Variants in PLCB1 observed in about 807,000 individuals in gnomAD.
PLCB1 encodes the protein 1-phosphatidylinositol 4,5-bisphosphate phosphodiesterase beta-1.
Under a neutral mutation model 161.8 loss-of-function variants are expected in PLCB1, and 46 were observed. The ratio of observed to expected loss-of-function variants is 0.28; its 90% CI spans 0.22 to 0.36. The LOEUF is 0.36. Among genes scored for constraint, PLCB1 ranks in the 10% least tolerant of loss-of-function variants. The pLI is 1.00. For missense variants in PLCB1, 1,016 were observed against 1,472.5 expected (o/e 0.69, Z 5.07); for synonymous variants, 517 against 503.7 (o/e 1.03, Z -0.35).
chr20:8,161,707 A>G (rs2051626252), intron 2 of PLCB1, among the ~76,000 whole-genome samples: 1 of 152,128 alleles, frequency 6.6e-6, no homozygotes, highest in African/African-American at 2.4e-5. Flanking sequence ...GGGAGCCTCA[A>G]AGGACGCTGC....
At chr20:8,770,253 A>G (rs927762413) in intron 26 of PLCB1, among the ~76,000 whole-genome samples, 1 of 152,198 alleles carries the variant, frequency 6.6e-6, no homozygotes. Context: ...CGCCCAGCCA[A>G]AATCATCATT....
chr20:8,356,669 T>A (rs947946428), intron 2 of PLCB1, among the ~76,000 whole-genome samples: 7 of 152,014 alleles, frequency 4.6e-5, no homozygotes, highest in African/African-American at 1.7e-4. Context: ...GTACATAGAG[T>A]CTTCTGTACT....
intron 3 of PLCB1, among the ~76,000 whole-genome samples, chr20:8,624,814 TTA>T (rs1392773680): frequency 6.6e-6 from 1 of 152,198 alleles, no homozygotes; most frequent in Non-Finnish European, 1.5e-5. Flanking sequence ...TTGGTAGCAC[TTA>T]TGGGAACAGA....
At chr20:8,737,434 A>T (rs1405921771) in intron 20 of PLCB1, among the ~76,000 whole-genome samples, 1 of 152,224 alleles carries the variant, frequency 6.6e-6, no homozygotes, top group Admixed American at 6.5e-5. Flanking sequence ...GGCCATAAAA[A>T]CATATACATT....
chr20:8,395,526 TTATC>T (rs1987744960), intron 3 of PLCB1, among the ~76,000 whole-genome samples: 1 of 152,036 alleles, frequency 6.6e-6, no homozygotes, highest in South Asian at 2.1e-4. Flanking sequence ...TTCAAATAAA[TTATC>T]TATACATAAT....
Position 8,684,967 on chromosome 20 carries a change from A to G in PLCB1, c.898A>G (p.Ser300Gly), listed in dbSNP as rs1990323763. The change falls in exon 10 of 32, where the codon AGT (serine) becomes GGT (glycine). Residue 300 changes from serine (S) to glycine (G), a missense_variant. Physicochemically the swap from Ser to Gly is moderately conservative, Grantham distance 56. Around this residue, in one of 10 missense-constraint regions of PLCB1, gnomAD observed 117 missense variants for 142.2 expected, o/e 0.82. Transcript: ENST00000338037. ...ISVDGFMRYL[S>G]GEENGVVSPE... ...AGTGGATGGGTTCATGCGCTATCTG[A>G]GTGGAGAAGAAAACGGAGTCGTTTC... is the stretch of plus-strand genomic sequence containing the variant. 1.2e-6 allele frequency: 2 copies of G among 1,613,742 alleles called. No homozygotes were observed. The highest frequency in any genetic ancestry group is 1.7e-5 in the Admixed American group (1 of 59,998).
At chr20:8,392,830 A>G (rs537090748) in intron 3 of PLCB1, among the ~76,000 whole-genome samples, 1 of 152,304 alleles carries the variant, frequency 6.6e-6, no homozygotes, top group Middle Eastern at 3.4e-3. Context: ...ATCCTATATC[A>G]CTGCCTTTGG....
chr20:8,795,326 A>G (rs1983962682), intron 31 of PLCB1, among the ~76,000 whole-genome samples: 1 of 152,182 alleles, frequency 6.6e-6, no homozygotes. Flanking sequence ...AACTTGTACA[A>G]TAAAATATTT....
chr20:8,264,088 A>C lies in PLCB1; in HGVS notation c.178-107294A>C, dbSNP rs148823767. ...CACAAACACATTGTACAACTGTACA[A>C]AAATATTTTATTTCTTTACAGACTT... On this transcript the variant is annotated intron_variant, in intron 2 of 31. Transcript: ENST00000338037. 1.9e-3 allele frequency among the ~76,000 whole-genome samples: 294 copies of C among 152,342 alleles called. 1 individual carries two copies. Among genetic ancestry groups the C allele is most frequent in the African/African-American group, 6.1e-3 (252 of 41,588 alleles).
rs1980743027 is a variant in PLCB1, at chr20:8,739,248, A to G, written c.2209-13A>G. On this transcript the variant is annotated splice_polypyrimidine_tract_variant and intron_variant, in intron 20 of 31. Coordinates refer to ENST00000338037, the MANE Select transcript of PLCB1 (RefSeq NM_015192.4). ...ATTCTTATAACCAGGTGTGTCCTTA[A>G]TGTCCTTTGTAGGTGGTTCTTCCTA... 1 of 1,513,938 alleles carries G rather than the reference A, an allele frequency of 6.6e-7. No individual in the cohort carries two copies. The highest frequency in any genetic ancestry group is 9.2e-7 in the Non-Finnish European group (1 of 1,088,604). 93.8% of individuals were successfully genotyped at this position (1,513,938 alleles called of 1,614,324 possible). A position where few individuals can be genotyped will look rare whatever the true frequency, so the allele number is the denominator to read the frequency against.
chr20:8,274,430 C>A (rs943822478), intron 2 of PLCB1, among the ~76,000 whole-genome samples: 3 of 151,338 alleles, frequency 2.0e-5, no homozygotes, highest in African/African-American at 7.3e-5. Context: ...CGTTTGTCCC[C>A]TTGTGTGTCC....
At chr20:8,156,854 G>T (rs1427586636) in intron 2 of PLCB1, among the ~76,000 whole-genome samples, 1 of 152,164 alleles carries the variant, frequency 6.6e-6, no homozygotes, top group East Asian at 1.9e-4. Context: ...CATCCTTTGT[G>T]GTGGCTTTTA....
At chr20:8,555,130 G>A (rs1003508217) in intron 3 of PLCB1, among the ~76,000 whole-genome samples, 7 of 152,002 alleles carry the variant, frequency 4.6e-5, no homozygotes, top group Admixed American at 2.0e-4. Flanking sequence ...TGACAGAGTT[G>A]AGTTTGATAA....
intron 25 of PLCB1, among the ~76,000 whole-genome samples, chr20:8,761,002 T>C (rs2123573629): frequency 6.6e-6 from 1 of 152,302 alleles, no homozygotes; most frequent in Admixed American, 6.5e-5. Context: ...AACAGAAATG[T>C]ACACACACGT....
At chr20:8,589,994 G>C (rs1017105112) in intron 3 of PLCB1, among the ~76,000 whole-genome samples, 1 of 151,970 alleles carries the variant, frequency 6.6e-6, no homozygotes, top group Admixed American at 6.6e-5. Flanking sequence ...GCTCCCCAAG[G>C]CCCCTCCTCC....
chr20:8,137,564 C>A (rs529985432), intron 1 of PLCB1, among the ~76,000 whole-genome samples: 1 of 152,306 alleles, frequency 6.6e-6, no homozygotes, highest in East Asian at 1.9e-4. Flanking sequence ...AAGAGCATAA[C>A]TCTTTTGCAA....
intron 3 of PLCB1, among the ~76,000 whole-genome samples, chr20:8,385,104 C>T (rs1777519040): frequency 6.6e-6 from 1 of 152,210 alleles, no homozygotes; most frequent in South Asian, 2.1e-4. Context: ...TTCTGGGCTG[C>T]CTGGATTCCT....
At chr20:8,301,294 A>G (rs1367949698) in intron 2 of PLCB1, among the ~76,000 whole-genome samples, 1 of 152,208 alleles carries the variant, frequency 6.6e-6, no homozygotes, top group Non-Finnish European at 1.5e-5. Flanking sequence ...AGCTGCTTTT[A>G]AAGAGCTGAA....
intron 2 of PLCB1, among the ~76,000 whole-genome samples, chr20:8,362,501 C>G (rs1332415791): frequency 6.6e-6 from 1 of 152,176 alleles, no homozygotes; most frequent in East Asian, 1.9e-4. Flanking sequence ...CATTTTACCT[C>G]TTAATAAAGC....
Sources: gnomAD v4.1 joint callset for allele counts (sites outside exome capture counted in the v4.1 genomes callset) on GRCh38, gnomAD v4.1.1 for gene constraint, gnomAD v4.1.1 regional missense constraint, MANE v1.5 for transcripts, NCBI Gene and HGNC (gene_info 2026-07-23, HGNC 2026-07-21) for gene names.